BACE2: variants seen among roughly 807,000 people sequenced by gnomAD.
BACE2 encodes beta-secretase 2.
Under a neutral mutation model 46.2 loss-of-function variants are expected in BACE2, and 17 were observed. The ratio of observed to expected loss-of-function variants is 0.37; its 90% CI spans 0.25 to 0.55. BACE2 has a LOEUF of 0.55. BACE2 is among the 20% of genes least tolerant of loss of function. The pLI, the probability that BACE2 is intolerant of heterozygous loss-of-function variation, is 0.82. For missense variants in BACE2, 595 were observed against 698.1 expected, an observed-to-expected ratio of 0.85 and a Z score of 1.66; for synonymous variants, 277 against 295.9, an observed-to-expected ratio of 0.94 and a Z score of 0.66.
intron 2 of BACE2, 48 bp downstream of exon 2, chr21:41,226,402 A>G (rs1187153318): frequency 4.0e-6 from 6 of 1,500,614 alleles, no homozygotes; most frequent in Non-Finnish European, 5.5e-6. Context: ...GCACTGCATG[A>G]TCAACATGCT....
At position 41,274,340 on chromosome 21, in the gene BACE2, G is replaced by T. The variant is rs550295032; in HGVS notation, c.1304-1031G>T. Among the ~76,000 whole-genome samples, 4 of 152,164 alleles carry T rather than the reference G, an allele frequency of 2.6e-5. No homozygotes were observed. In the South Asian group the frequency reaches 8.3e-4, roughly 32 times the overall value. ...ATTCTTTTCAGGTCATTATCGCATTGTTATTTTGACTTTTTCTTTCCTCAG... is the reference window on the plus strand; with the variant it reads ...ATTCTTTTCAGGTCATTATCGCATTTTTATTTTGACTTTTTCTTTCCTCAG... On this transcript the variant is annotated intron_variant, in intron 8 of 8. Coordinates refer to ENST00000330333, the MANE Select transcript of BACE2 (RefSeq NM_012105.5).
chr21:41,241,980 A>G, intron 4 of BACE2, 33 bp downstream of exon 4: 5 of 1,610,736 alleles, frequency 3.1e-6, no homozygotes, highest in Non-Finnish European at 4.2e-6. Context: ...GGGGCGAAAA[A>G]TCACAGATGG....
Position 41,192,159 on chromosome 21 carries a change from G to A in BACE2, c.312+23584G>A, listed in dbSNP as rs149624282. On this transcript the variant is annotated intron_variant, in intron 1 of 8. Transcript: ENST00000330333. Reference sequence around the variant, plus strand: ...AGAAAGGGGCTGTAGTGCTGCAGCTGTCCACTTTCGGGTGGTGCCTGCATA... The same window carrying A: ...AGAAAGGGGCTGTAGTGCTGCAGCTATCCACTTTCGGGTGGTGCCTGCATA... Among the ~76,000 whole-genome samples, 922 of 152,338 alleles carry A rather than the reference G, an allele frequency of 6.1e-3. 5 individuals carry two copies. The highest frequency in any genetic ancestry group is 9.8e-3 in the Non-Finnish European group (667 of 68,032).
rs188289679 is a variant in BACE2, at chr21:41,268,790, T to A, written c.1304-6581T>A. 3.3e-5 allele frequency among the ~76,000 whole-genome samples: 5 copies of A among 151,976 alleles called. No individual in the cohort carries two copies. In the East Asian group the frequency reaches 9.7e-4, roughly 29 times the overall value. On this transcript the variant is annotated intron_variant, in intron 8 of 8. Transcript: ENST00000330333. The stretch of plus-strand genomic sequence containing the variant: ...ATACATCTACATTGAAGAAAATTAA[T>A]TTTATTGGGTTTTTTTGCATTTTTA...
At chr21:41,180,907 G>C (rs1050158543) in intron 1 of BACE2, 4 of 167,042 alleles carry the variant, frequency 2.4e-5, no homozygotes, top group African/African-American at 9.7e-5. Context: ...CCAGAGTCTG[G>C]GGAACTCTTG....
chr21:41,231,701 G>C (rs938700760), intron 2 of BACE2, among the ~76,000 whole-genome samples: 1 of 152,100 alleles, frequency 6.6e-6, no homozygotes, highest in African/African-American at 2.4e-5. Flanking sequence ...CTGTGAGCAG[G>C]CTTTTTCCTG....
intron 1 of BACE2, chr21:41,177,048 C>T (rs1458734321): frequency 6.6e-6 from 1 of 152,186 alleles, no homozygotes; most frequent in Admixed American, 6.5e-5. Flanking sequence ...ACAAATGGTT[C>T]CAGTAACAAA....
At chr21:41,232,751 A>G (rs1987001488) in intron 2 of BACE2, among the ~76,000 whole-genome samples, 1 of 152,178 alleles carries the variant, frequency 6.6e-6, no homozygotes, top group Non-Finnish European at 1.5e-5. Flanking sequence ...GATGCCAGCA[A>G]CATGCTTCAT....
chr21:41,277,476 C>G lies in BACE2; in HGVS notation c.*1852C>G, dbSNP rs1048249012. 1 of 152,186 alleles carries G rather than the reference C, an allele frequency of 6.6e-6. No homozygotes were observed. Among genetic ancestry groups the G allele is most frequent in the Admixed American group, 6.5e-5 (1 of 15,280 alleles). The allele number at this position is 152,186 out of a possible 1,614,324, so 9.4% of individuals were successfully genotyped here. A position where few individuals can be genotyped will look rare whatever the true frequency, so the allele number is the denominator to read the frequency against. ...TCATAATCTCAGAATGCATTTCACACGGAGAGATGTCTGGAAGTCCAATTC... is the reference window on the plus strand; with the variant it reads ...TCATAATCTCAGAATGCATTTCACAGGGAGAGATGTCTGGAAGTCCAATTC... On this transcript the variant is annotated 3_prime_UTR_variant, in exon 9 of 9. Transcript: ENST00000330333.
At chr21:41,168,985 C>T (rs1320578285) in intron 1 of BACE2, among the ~76,000 whole-genome samples, 2 of 51,312 alleles carry the variant, frequency 3.9e-5, no homozygotes, top group African/African-American at 6.7e-5. Context: ...CATACCCTCC[C>T]TCCCCCCCGC....
intron 1 of BACE2, chr21:41,186,845 A>G (rs1985394558): frequency 6.6e-6 from 1 of 152,218 alleles, no homozygotes; most frequent in Non-Finnish European, 1.5e-5. Flanking sequence ...TATGCAAATT[A>G]ATGGGCGGTG....
chr21:41,191,393 A>G (rs1046378280), intron 1 of BACE2, among the ~76,000 whole-genome samples: 2 of 152,232 alleles, frequency 1.3e-5, no homozygotes, highest in Non-Finnish European at 2.9e-5. Flanking sequence ...GTGGAATACC[A>G]TGACGGTGGA....
At chr21:41,175,705 G>A (rs1270190816) in intron 1 of BACE2, 3 of 152,392 alleles carry the variant, frequency 2.0e-5, no homozygotes, top group Non-Finnish European at 4.4e-5. Flanking sequence ...GGGGTAGGAG[G>A]AGGTGGAAAG....
At chr21:41,203,453 G>A (rs189107149) in intron 1 of BACE2, among the ~76,000 whole-genome samples, 2,249 of 152,286 alleles carry the variant, frequency 0.015, 39 homozygotes, top group South Asian at 0.058. Flanking sequence ...GTGGAGCCTG[G>A]TAGGTGAGCT....
intron 1 of BACE2, chr21:41,179,625 T>A (rs1985031450): frequency 7.3e-7 from 1 of 1,365,338 alleles, no homozygotes; most frequent in South Asian, 1.1e-5. Context: ...AGCAACTCTT[T>A]CATCTAGTTT....
chr21:41,225,374 G>A (rs1310507701), intron 1 of BACE2: 4 of 152,168 alleles, frequency 2.6e-5, no homozygotes, highest in Non-Finnish European at 5.9e-5. Flanking sequence ...GCCTCAAAAT[G>A]GACACAACTC....
intron 1 of BACE2, among the ~76,000 whole-genome samples, chr21:41,199,828 C>G (rs1458299268): frequency 6.6e-6 from 1 of 152,116 alleles, no homozygotes; most frequent in Non-Finnish European, 1.5e-5. Flanking sequence ...TTGTAGGTCC[C>G]TTGTGCCCCG....
intron 1 of BACE2, among the ~76,000 whole-genome samples, chr21:41,204,072 AGTGGTGCAGTCTTGGCTCACTGTAG>A (rs1018118340): frequency 3.9e-5 from 6 of 152,218 alleles, no homozygotes; most frequent in Non-Finnish European, 8.8e-5. Context: ...GCTGGAGTGC[AGTGGTGCAGTCTTGGCTCACTGTAG>A]CCTCCGCCTC....
intron 1 of BACE2, among the ~76,000 whole-genome samples, chr21:41,214,653 G>C (rs1986401207): frequency 6.6e-6 from 1 of 152,206 alleles, no homozygotes; most frequent in African/African-American, 2.4e-5. Context: ...GTGCATTTCT[G>C]CCACTTGCCC....
Sources: gnomAD v4.1 joint callset for allele counts (sites outside exome capture counted in the v4.1 genomes callset) on GRCh38, gnomAD v4.1.1 for gene constraint, MANE v1.5 for transcripts, NCBI Gene and HGNC (gene_info 2026-07-23, HGNC 2026-07-21) for gene names.